Variants in LRMDA observed in about 807,000 individuals in gnomAD.
LRMDA encodes leucine rich melanocyte differentiation associated, also known as leucine-rich melanocyte differentiation-associated protein.
In LRMDA, 18 loss-of-function variants were observed where a neutral mutation model predicts 29.8. The observed-to-expected ratio is 0.60, with a 90% CI of 0.42 to 0.90. The LOEUF is 0.90. Ranked by LOEUF, LRMDA falls within the 40% of genes least tolerant of loss-of-function variation. The pLI is 0.00. For missense variants in LRMDA, 273 were observed against 273.9 expected (o/e 1.00, Z 0.02); for synonymous variants, 125 against 109.4 (o/e 1.14, Z -0.89).
At chr10:75,959,945 A>G (rs73281419) in intron 2 of LRMDA, among the ~76,000 whole-genome samples, 2,554 of 152,340 alleles carry the variant, frequency 0.017, 82 homozygotes, top group African/African-American at 0.058. Context: ...ATATAAGTGG[A>G]TTAAGGCTAC....
chr10:75,484,970 G>A (rs1844894767), intron 2 of LRMDA, among the ~76,000 whole-genome samples: 1 of 152,136 alleles, frequency 6.6e-6, no homozygotes, highest in African/African-American at 2.4e-5. Flanking sequence ...GTATAGAAAG[G>A]TAAAACTATT....
intron 5 of LRMDA, among the ~76,000 whole-genome samples, chr10:76,190,527 G>T (rs1851225767): frequency 6.6e-6 from 1 of 152,188 alleles, no homozygotes; most frequent in Admixed American, 6.5e-5. Context: ...CCTAGGGCCT[G>T]AACACATTCT....
intron 3 of LRMDA, among the ~76,000 whole-genome samples, chr10:76,040,565 ACTCTTT>A (rs1052058814): frequency 1.3e-5 from 2 of 150,320 alleles, no homozygotes; most frequent in East Asian, 4.0e-4. Context: ...CACTGCTCAC[ACTCTTT>A]CTCTCTCTCT....
At chr10:76,184,861 C>T (rs181337710) in intron 5 of LRMDA, among the ~76,000 whole-genome samples, 14 of 152,296 alleles carry the variant, frequency 9.2e-5, no homozygotes, top group East Asian at 1.9e-4. Context: ...TGTGCACTTT[C>T]GGAATCCCTT....
intron 2 of LRMDA, among the ~76,000 whole-genome samples, chr10:75,824,925 C>T (rs1844223785): frequency 6.6e-6 from 1 of 152,202 alleles, no homozygotes; most frequent in Non-Finnish European, 1.5e-5. Context: ...CCCCAATGAG[C>T]AGCCATAGTA....
At chr10:75,987,089 G>C (rs1589277940) in intron 2 of LRMDA, among the ~76,000 whole-genome samples, 1 of 152,014 alleles carries the variant, frequency 6.6e-6, no homozygotes, top group East Asian at 1.9e-4. Flanking sequence ...TAAGAGAGCA[G>C]CCCTCAGGCT....
chr10:75,506,263 G>A (rs1248155115), intron 2 of LRMDA, among the ~76,000 whole-genome samples: 1 of 152,142 alleles, frequency 6.6e-6, no homozygotes. Flanking sequence ...GAATAGGAGG[G>A]CATTCTGAGA....
chr10:76,233,612 A>G (rs796360081), intron 5 of LRMDA, among the ~76,000 whole-genome samples: 5 of 152,332 alleles, frequency 3.3e-5, no homozygotes, highest in African/African-American at 1.2e-4. Flanking sequence ...AACCCTGCCT[A>G]TGCTTTATCA....
chr10:75,630,087 T>C (rs530709694), intron 2 of LRMDA, among the ~76,000 whole-genome samples: 19 of 152,354 alleles, frequency 1.2e-4, no homozygotes, highest in Admixed American at 8.5e-4. Flanking sequence ...TTTTTCATTT[T>C]TATATCCCAA....
At chr10:76,544,710 GCACACA>G (rs71028204) in intron 6 of LRMDA, among the ~76,000 whole-genome samples, 8,440 of 145,198 alleles carry the variant, frequency 0.058, 344 homozygotes, top group African/African-American at 0.11. Context: ...ATATATACAT[GCACACA>G]CACACACACA....
In LRMDA at chr10:75,622,696, C is replaced by A. The variant is rs534868594; in HGVS notation, c.131+184202C>A. 8.5e-4 allele frequency among the ~76,000 whole-genome samples: 129 copies of A among 152,288 alleles called. 3 individuals carry two copies. The South Asian group carries it at 0.026, about 31-fold the overall frequency. On this transcript the variant is annotated intron_variant, in intron 2 of 6. Transcript: ENST00000611255. ...ATTCCAAACTCACTCACTGCTTACCCATTCTGAGAAAGAACAAACTATTTG... is the reference window on the plus strand; with the variant it reads ...ATTCCAAACTCACTCACTGCTTACCAATTCTGAGAAAGAACAAACTATTTG...
intron 2 of LRMDA, among the ~76,000 whole-genome samples, chr10:75,727,081 C>T (rs373909854): frequency 1.3e-5 from 2 of 152,176 alleles, no homozygotes; most frequent in South Asian, 2.1e-4. Flanking sequence ...TGGCCTGTTT[C>T]GCTAGCTTTA....
At chr10:75,619,773 T>G (rs59970797) in intron 2 of LRMDA, among the ~76,000 whole-genome samples, 1 of 152,122 alleles carries the variant, frequency 6.6e-6, no homozygotes, top group Non-Finnish European at 1.5e-5. Flanking sequence ...GGGTTTACAG[T>G]TGGCCTCTGC....
At chr10:75,691,102 ATATAGAT>A in intron 2 of LRMDA, among the ~76,000 whole-genome samples, 1 of 84,052 alleles carries the variant, frequency 1.2e-5, no homozygotes, top group Non-Finnish European at 2.1e-5. Flanking sequence ...GTACATAGAT[ATATAGAT>A]CTATATATCT....
At chr10:75,868,591 A>T (rs575623670) in intron 2 of LRMDA, among the ~76,000 whole-genome samples, 1 of 152,250 alleles carries the variant, frequency 6.6e-6, no homozygotes, top group Non-Finnish European at 1.5e-5. Context: ...AAACAGAATC[A>T]GAATTTGAAT....
intron 2 of LRMDA, among the ~76,000 whole-genome samples, chr10:75,889,502 C>T (rs1449815693): frequency 6.6e-6 from 1 of 152,130 alleles, no homozygotes; most frequent in Non-Finnish European, 1.5e-5. Context: ...AGTAACATTG[C>T]AATGGATTAT....
chr10:76,111,408 TG>T (rs1358287301), intron 5 of LRMDA, among the ~76,000 whole-genome samples: 2 of 152,220 alleles, frequency 1.3e-5, no homozygotes, highest in Non-Finnish European at 2.9e-5. Flanking sequence ...CAGAAGAAAA[TG>T]AAGTCAACCA....
At chr10:75,682,659 A>G (rs1322552173) in intron 2 of LRMDA, among the ~76,000 whole-genome samples, 1 of 152,150 alleles carries the variant, frequency 6.6e-6, no homozygotes, top group Non-Finnish European at 1.5e-5. Context: ...CGTGCCTAGA[A>G]AGTGTTAGAG....
chr10:75,816,032 C>G (rs999002813), intron 2 of LRMDA, among the ~76,000 whole-genome samples: 4 of 152,172 alleles, frequency 2.6e-5, no homozygotes, highest in African/African-American at 9.7e-5. Context: ...AAGTCAAGAT[C>G]AGAGAGTGCT....
Sources: gnomAD v4.1 joint callset for allele counts (sites outside exome capture counted in the v4.1 genomes callset) on GRCh38, gnomAD v4.1.1 for gene constraint, MANE v1.5 for transcripts, NCBI Gene and HGNC (gene_info 2026-07-23, HGNC 2026-07-21) for gene names.